MYH11: variants seen among roughly 807,000 people sequenced by gnomAD.
MYH11 encodes the protein myosin heavy chain 11.
Under a neutral mutation model 246.6 loss-of-function variants are expected in MYH11, and 80 were observed. The ratio of observed to expected loss-of-function variants is 0.32; its 90% CI spans 0.27 to 0.39. MYH11 has a LOEUF of 0.39. MYH11 is among the 10% of genes least tolerant of loss of function. The pLI is 1.00. For synonymous variants in MYH11, 1,071 were observed against 1,015.5 expected, an observed-to-expected ratio of 1.05 and a Z score of -1.04; for missense variants, 2,158 against 2,546.8, an observed-to-expected ratio of 0.85 and a Z score of 3.29.
At chr16:15,823,520 C>G in intron 2 of MYH11, 109 bp from the exon 3 acceptor site, 1 of 1,392,544 alleles carries the variant, frequency 7.2e-7, no homozygotes, top group Non-Finnish European at 1.0e-6. Context: ...AGCTTGGAGT[C>G]TTAGTGGAAA....
At chr16:15,742,111 G>A in intron 20 of MYH11, 2 of 660,734 alleles carry the variant, frequency 3.0e-6, no homozygotes, top group Non-Finnish European at 5.4e-6. Context: ...ACCCTACAGT[G>A]CACAGGACAG....
chr16:15,751,158 TATC>T (rs200424467), intron 15 of MYH11, among the ~76,000 whole-genome samples: 3 of 143,860 alleles, frequency 2.1e-5, no homozygotes, highest in African/African-American at 7.8e-5. Flanking sequence ...TTATTATTAT[TATC>T]ATTATTTTAT....
Position 15,823,419 on chromosome 16 carries a change from C to CA in MYH11, c.346-9dup, listed in dbSNP as rs775065067. 22 of 1,614,058 alleles carry CA rather than the reference C, an allele frequency of 1.4e-5. No homozygotes were observed. The South Asian group carries it at 2.2e-4, about 16-fold the overall frequency. ...GAAGAGGCCAGAGTACGTCTGCAGACAGAGAACCCAGCTTACTTCCAGACC... is the reference window on the plus strand; with the variant it reads ...GAAGAGGCCAGAGTACGTCTGCAGACAAGAGAACCCAGCTTACTTCCAGACC... On this transcript the variant is annotated splice_polypyrimidine_tract_variant and intron_variant, in intron 2 of 40. Coordinates refer to ENST00000300036, the MANE Select transcript of MYH11 (RefSeq NM_002474.3).
At chr16:15,715,496 ACACATAG>A (rs1264551904) in intron 38 of MYH11, among the ~76,000 whole-genome samples, 1 of 152,256 alleles carries the variant, frequency 6.6e-6, no homozygotes, top group Admixed American at 6.5e-5. Context: ...GTGAAAGAAG[ACACATAG>A]CAGACAACAT....
At chr16:15,714,626 T>TG (rs761731906) in intron 40 of MYH11, 1 of 554,674 alleles carries the variant, frequency 1.8e-6, no homozygotes, top group Admixed American at 3.1e-5. Context: ...GAGGAGACAG[T>TG]GGGGATAGCC....
intron 1 of MYH11, among the ~76,000 whole-genome samples, chr16:15,842,570 T>A (rs2044081418): frequency 2.0e-5 from 3 of 151,428 alleles, no homozygotes; most frequent in African/African-American, 7.3e-5. Flanking sequence ...CAAGACCAGC[T>A]GGCCAACGTG....
intron 1 of MYH11, among the ~76,000 whole-genome samples, chr16:15,848,047 C>T (rs569222760): frequency 6.6e-6 from 1 of 152,184 alleles, no homozygotes; most frequent in South Asian, 2.1e-4. Flanking sequence ...GAGTCTCTGG[C>T]AGATCCGGAA....
At chr16:15,762,377 G>T (rs748346297) in intron 10 of MYH11, among the ~76,000 whole-genome samples, 4 of 152,190 alleles carry the variant, frequency 2.6e-5, no homozygotes, top group African/African-American at 4.8e-5. Flanking sequence ...TAGCCCAAAG[G>T]TTTGAAATTA....
At chr16:15,739,022 C>T (rs927392277) in intron 23 of MYH11, among the ~76,000 whole-genome samples, 2 of 152,140 alleles carry the variant, frequency 1.3e-5, no homozygotes, top group Non-Finnish European at 2.9e-5. Context: ...ACTGCTCCTT[C>T]ATCTTTAAGT....
chr16:15,712,493 T>C (rs1450379921), intron 40 of MYH11, among the ~76,000 whole-genome samples: 5 of 151,684 alleles, frequency 3.3e-5, no homozygotes, highest in African/African-American at 1.2e-4. Flanking sequence ...ACTAAAAATA[T>C]AAAAATAGGC....
intron 10 of MYH11, 110 bp downstream of exon 10, chr16:15,763,686 T>C: frequency 2.2e-6 from 2 of 929,506 alleles, no homozygotes; most frequent in Non-Finnish European, 3.6e-6. Flanking sequence ...GTCCAACTGT[T>C]GTTAAAATCC....
intron 9 of MYH11, among the ~76,000 whole-genome samples, chr16:15,770,512 T>A (rs2042076582): frequency 6.6e-6 from 1 of 152,186 alleles, no homozygotes; most frequent in Non-Finnish European, 1.5e-5. Flanking sequence ...CCAGTGTGTT[T>A]CTTGGCCATT....
At chr16:15,818,278 G>A (rs745571585) in intron 3 of MYH11, among the ~76,000 whole-genome samples, 6 of 152,076 alleles carry the variant, frequency 3.9e-5, no homozygotes, top group East Asian at 3.9e-4. Flanking sequence ...GAATGAGATC[G>A]TGCCATTTAT....
chr16:15,758,252 G>T (rs1406013304), intron 12 of MYH11, among the ~76,000 whole-genome samples: 1 of 152,172 alleles, frequency 6.6e-6, no homozygotes, highest in Non-Finnish European at 1.5e-5. Context: ...ACCATCTATG[G>T]ATGGACAAAC....
chr16:15,832,943 C>CTTTTTTTTT lies in MYH11; in HGVS notation c.345+4956_345+4964dup, dbSNP rs780380104. Among the ~76,000 whole-genome samples the CTTTTTTTTT allele has an allele frequency of 9.0e-5, 5 of 55,440 alleles. 1 individual carries two copies. Among genetic ancestry groups the CTTTTTTTTT allele is most frequent in the Non-Finnish European group, 1.6e-4 (5 of 31,468 alleles). The allele number at this position is 55,440 out of a possible 152,430, so 36.4% of individuals were successfully genotyped here. On this transcript the variant is annotated intron_variant, in intron 2 of 40. Coordinates refer to ENST00000300036, the MANE Select transcript of MYH11 (RefSeq NM_002474.3). Reference sequence around the variant, plus strand: ...CACATCTGAGCTTCAGCAACCTCATCTTTTTTTTTTTTTTTTTTTTTTTTT... The same window carrying CTTTTTTTTT: ...CACATCTGAGCTTCAGCAACCTCATCTTTTTTTTTTTTTTTTTTTTTTTTTTTTTTTTTT...
intron 4 of MYH11, among the ~76,000 whole-genome samples, chr16:15,797,205 C>T (rs1406503389): frequency 6.6e-6 from 1 of 152,170 alleles, no homozygotes; most frequent in Non-Finnish European, 1.5e-5. Flanking sequence ...TTAATTGTTT[C>T]AATCTTCTCT....
chr16:15,756,274 T>G, intron 14 of MYH11, 67 bp downstream of exon 14: 1 of 1,567,492 alleles, frequency 6.4e-7, no homozygotes, highest in Non-Finnish European at 8.7e-7. Flanking sequence ...ACTCTCAGAC[T>G]GTCTCTGCGC....
chr16:15,737,725 C>T (rs1567714897), intron 24 of MYH11, 105 bp from the exon 25 acceptor site: 2 of 1,212,224 alleles, frequency 1.6e-6, no homozygotes, highest in Non-Finnish European at 2.4e-6. Flanking sequence ...AACACATCCC[C>T]CAATCAGTAA....
chr16:15,721,649 C>T lies in MYH11; in HGVS notation c.4366-15G>A. The T allele has an allele frequency of 1.2e-6, 2 of 1,613,936 alleles. No homozygotes were observed. The highest frequency in any genetic ancestry group is 1.3e-5 in the African/African-American group (1 of 75,044). On this transcript the variant is annotated splice_polypyrimidine_tract_variant and intron_variant, in intron 31 of 40. Transcript: ENST00000300036. ...TCGGCTAACAACTACAACACAAGAC[C>T]CAGAGGTGACTTCTAGGCATATCCG...
Sources: allele counts gnomAD v4.1 joint callset (sites outside exome capture counted in the v4.1 genomes callset), GRCh38; gene constraint gnomAD v4.1.1; transcripts MANE v1.5; gene names NCBI Gene and HGNC (gene_info 2026-07-23, HGNC 2026-07-21).